Variants in WASHC2A observed in about 807,000 individuals in gnomAD.
WASHC2A encodes the protein WASH complex subunit FAM21A.
WASHC2A carries 82 observed loss-of-function variants against 140.3 expected under a neutral mutation model. The observed-to-expected ratio is 0.58, with a 90% CI of 0.49 to 0.70. The LOEUF (loss-of-function observed/expected upper bound fraction) is 0.70, where lower values mean the gene tolerates loss of function less well. WASHC2A is among the 30% of genes least tolerant of loss of function. The pLI, the probability that WASHC2A is intolerant of heterozygous loss-of-function variation, is 0.00. For synonymous variants in WASHC2A, 340 were observed against 560.8 expected (o/e 0.61, Z 5.56); for missense variants, 985 against 1,521.8 (o/e 0.65, Z 5.87).
chr10:50,124,678 G>A (rs1307618310), intron 23 of WASHC2A, among the ~76,000 whole-genome samples: 42,183 of 150,984 alleles, frequency 0.28, 6,881 homozygotes, highest in Middle Eastern at 0.41. Context: ...TGTAGTTTGT[G>A]CTTGATTCAG....
At chr10:50,112,170 A>T in intron 20 of WASHC2A, 3 of 982,488 alleles carry the variant, frequency 3.1e-6, no homozygotes, top group Non-Finnish European at 2.4e-6. Flanking sequence ...TATTCCCATG[A>T]GTGTCCACTA....
At chr10:50,088,250 A>G (rs1839564401) in intron 8 of WASHC2A, among the ~76,000 whole-genome samples, 1 of 146,598 alleles carries the variant, frequency 6.8e-6, no homozygotes, top group African/African-American at 2.5e-5. Context: ...TTTTTGATGT[A>G]ATAATGTATT....
chr10:50,121,200 A>T (rs1842988911), intron 23 of WASHC2A, among the ~76,000 whole-genome samples: 2 of 150,346 alleles, frequency 1.3e-5, no homozygotes, highest in Admixed American at 1.3e-4. Flanking sequence ...AAAAAGTGAA[A>T]TGAAGCAATC....
chr10:50,085,366 A>T (rs566243380), intron 6 of WASHC2A, 131 bp from the exon 7 acceptor site: 1 of 284,456 alleles, frequency 3.5e-6, no homozygotes, highest in Non-Finnish European at 5.8e-6. Flanking sequence ...GACACTTTCA[A>T]TTCCAGTAAG....
At position 50,097,705 on chromosome 10, in the gene WASHC2A, G is replaced by T. The variant is rs1332462755; in HGVS notation, c.1451G>T (p.Gly484Val). ...GTCCAATCCACTGCCGATATCTTTG[G>T]TGACGAAGAAGGAGATCTGTTCAAA... is the stretch of plus-strand genomic sequence containing the variant. Reference protein sequence around the residue: ...GKVQSTADIFGDEEGDLFKEK... With the variant: ...GKVQSTADIFVDEEGDLFKEK... Residue 484 changes from glycine to valine, a missense_variant, in exon 16 of 31, where the codon GGT becomes GTT. Physicochemically the swap from Gly to Val is moderately radical, Grantham distance 109. Coordinates refer to ENST00000282633, the MANE Select transcript of WASHC2A (RefSeq NM_001005751.3). 4 of 1,598,868 alleles carry T rather than the reference G, an allele frequency of 2.5e-6. No individual in the cohort carries two copies. Among genetic ancestry groups the T allele is most frequent in the South Asian group, 1.1e-5 (1 of 90,316 alleles).
chr10:50,090,700 AGG>A, intron 8 of WASHC2A, 74 bp from the exon 9 acceptor site: 9 of 1,341,548 alleles, frequency 6.7e-6, no homozygotes, highest in Non-Finnish European at 8.8e-6. Flanking sequence ...TCTTTGAAGG[AGG>A]AGCCTAAAGG....
At chr10:50,083,962 T>C (rs1237876673) in intron 5 of WASHC2A, 110 bp from the exon 6 acceptor site, 1 of 1,119,616 alleles carries the variant, frequency 8.9e-7, no homozygotes, top group Non-Finnish European at 1.3e-6. Context: ...TTCTCCACTT[T>C]CGTTATGTAG....
At chr10:50,127,894 T>C in intron 28 of WASHC2A, 99 bp downstream of exon 28, 1 of 1,435,232 alleles carries the variant, frequency 7.0e-7, no homozygotes, top group Non-Finnish European at 9.6e-7. Flanking sequence ...AGTCTTTGAC[T>C]CTCCTTTTGA....
chr10:50,130,081 G>A lies in WASHC2A; in HGVS notation c.3708+42G>A, dbSNP rs1303026119. ...CGTTTTTGTGTCTGTTCTAAGTTAA[G>A]GAAGGTATCTGATTGGCTTATTTGA... is the stretch of plus-strand genomic sequence containing the variant. On this transcript the variant is annotated intron_variant, in intron 29 of 30. Transcript: ENST00000282633. The A allele has an allele frequency of 2.8e-4, 445 of 1,610,830 alleles. 5 individuals are homozygous for A. The African/African-American group carries it at 4.8e-3, about 17-fold the overall frequency.
chr10:50,090,131 A>G (rs1839746579), intron 8 of WASHC2A, among the ~76,000 whole-genome samples: 1 of 151,856 alleles, frequency 6.6e-6, no homozygotes, highest in South Asian at 2.1e-4. Context: ...AAATAAATAA[A>G]AATATTTCTC....
chr10:50,110,189 G>A lies in WASHC2A; in HGVS notation c.1958G>A (p.Ser653Asn). ...CCCAGGGATTCTGGGACCCTCCAGA[G>A]CCAGGAGGCCAAGGCTGTGAAAAAG... Reference protein sequence around the residue: ...GEPRDSGTLQSQEAKAVKKTS... With the variant: ...GEPRDSGTLQNQEAKAVKKTS... Residue 653 changes from serine to asparagine, a missense_variant, in exon 20 of 31, where the codon AGC (serine) becomes AAC (asparagine). Physicochemically the swap from Ser to Asn is conservative, Grantham distance 46. Transcript: ENST00000282633. The A allele has an allele frequency of 6.2e-7, 1 of 1,611,722 alleles. No homozygotes were observed. The highest frequency in any genetic ancestry group is 8.5e-7 in the Non-Finnish European group (1 of 1,179,788).
chr10:50,105,173 G>A lies in WASHC2A; in HGVS notation c.1737+1030G>A, dbSNP rs1337566891. Among the ~76,000 whole-genome samples the A allele has an allele frequency of 4.6e-5, 7 of 152,132 alleles. No homozygotes were observed. The East Asian group carries it at 1.4e-3, about 29-fold the overall frequency. ...AAGTGGAGATACAAAGGAGAAGGCA[G>A]CCATGTCCTGACCATTGTCTTTCTT... On this transcript the variant is annotated intron_variant, in intron 18 of 30. Transcript: ENST00000282633.
At chr10:50,072,346 C>T (rs1554876497) in intron 3 of WASHC2A, among the ~76,000 whole-genome samples, 1 of 152,078 alleles carries the variant, frequency 6.6e-6, no homozygotes, top group African/African-American at 2.4e-5. Context: ...TAATTACTTC[C>T]CAGACCTTCT....
intron 7 of WASHC2A, 66 bp from the exon 8 acceptor site, chr10:50,087,209 C>T: frequency 1.2e-6 from 2 of 1,608,148 alleles, no homozygotes; most frequent in African/African-American, 1.3e-5. Context: ...AGACTTAGAC[C>T]TGCAATCATT....
At position 50,110,209 on chromosome 10, in the gene WASHC2A, A is replaced by G. The variant is rs1842162414; in HGVS notation, c.1978A>G (p.Lys660Glu). Residue 660 changes from lysine to glutamate, a missense_variant, in exon 20 of 31, where the codon AAA becomes GAA. Physicochemically the swap from Lys to Glu is moderately conservative, Grantham distance 56 (BLOSUM62 1). Coordinates refer to ENST00000282633, the MANE Select transcript of WASHC2A (RefSeq NM_001005751.3). ...CCAGAGCCAGGAGGCCAAGGCTGTG[A>G]AAAAGACCAGTCTCTTTGAGGAAGA... ...TLQSQEAKAV[K>E]KTSLFEEDEE... The G allele has an allele frequency of 2.5e-6, 4 of 1,611,808 alleles. No individual in the cohort carries two copies. The African/African-American group carries it at 5.3e-5, about 22-fold the overall frequency.
chr10:50,091,554 G>C, intron 10 of WASHC2A, 36 bp downstream of exon 10: 2 of 1,549,346 alleles, frequency 1.3e-6, no homozygotes, highest in Non-Finnish European at 1.7e-6. Context: ...AGTAGGGGGG[G>C]AGTAGTGCAG....
Position 50,068,182 on chromosome 10 carries a change from G to C in WASHC2A, c.81G>C (p.Glu27Asp). 1 of 1,598,376 alleles carries C rather than the reference G, an allele frequency of 6.3e-7. No individual in the cohort carries two copies. The highest frequency in any genetic ancestry group is 8.5e-7 in the Non-Finnish European group (1 of 1,173,158). Residue 27 changes from glutamate to aspartate, a missense_variant, in exon 2 of 31, where the codon GAG (glutamate) becomes GAC (aspartate). By Grantham distance (45) the Glu-to-Asp change is conservative. Transcript: ENST00000282633. Reference protein sequence around the residue: ...PVWERPWSVEEIRRSSQSWSL... With the variant: ...PVWERPWSVEDIRRSSQSWSL... ...GGGAGCGGCCGTGGTCGGTGGAGGA[G>C]ATCCGCAGGAGCAGCCAGAGCTGGT...
intron 3 of WASHC2A, among the ~76,000 whole-genome samples, chr10:50,075,158 TAAACCGTATC>T (rs1463461328): frequency 6.6e-6 from 1 of 152,038 alleles, no homozygotes; most frequent in African/African-American, 2.4e-5. Flanking sequence ...TTTTTGTTCT[TAAACCGTATC>T]ATAATTTATT....
chr10:50,109,926 C>A (rs1490174742), intron 19 of WASHC2A, among the ~76,000 whole-genome samples, 175 bp from the exon 20 acceptor site: 8 of 151,650 alleles, frequency 5.3e-5, no homozygotes, highest in African/African-American at 1.9e-4. Flanking sequence ...CCCGCCACCA[C>A]GCCCGGCTAA....
Sources: allele counts gnomAD v4.1 joint callset (sites outside exome capture counted in the v4.1 genomes callset), GRCh38; gene constraint gnomAD v4.1.1; transcripts MANE v1.5; gene names NCBI Gene and HGNC (gene_info 2026-07-23, HGNC 2026-07-21).